Variants in CCDC171 observed in about 807,000 individuals in gnomAD.
CCDC171 encodes the protein coiled-coil domain containing 171, also known as coiled-coil domain-containing protein 171.
Under a neutral mutation model 168.2 loss-of-function variants are expected in CCDC171, and 177 were observed. That is an observed-to-expected ratio of 1.05 (90% CI 0.93 to 1.19). The LOEUF (loss-of-function observed/expected upper bound fraction) is 1.19, where lower values mean the gene tolerates loss of function less well. CCDC171 is among the 50% of genes most tolerant of loss of function. The pLI, the probability that CCDC171 is intolerant of heterozygous loss-of-function variation, is 0.00. For missense variants in CCDC171, 1,991 were observed against 1,539.0 expected, an observed-to-expected ratio of 1.29 and a Z score of -4.91; for synonymous variants, 687 against 540.8, an observed-to-expected ratio of 1.27 and a Z score of -3.75.
intron 24 of CCDC171, among the ~76,000 whole-genome samples, chr9:15,916,779 G>A (rs1423482922): frequency 3.3e-5 from 5 of 151,866 alleles, no homozygotes; most frequent in Admixed American, 6.6e-5. Flanking sequence ...GAATTCCCTC[G>A]TCTTATTACT....
At chr9:15,593,978 T>G in intron 5 of CCDC171, 63 bp from the exon 6 acceptor site, 2 of 1,122,074 alleles carry the variant, frequency 1.8e-6, no homozygotes, top group South Asian at 1.4e-5. Flanking sequence ...ACATTTAAAC[T>G]GGGGATGAAG....
At chr9:15,896,474 T>C (rs1047754920) in intron 24 of CCDC171, among the ~76,000 whole-genome samples, 2 of 152,044 alleles carry the variant, frequency 1.3e-5, no homozygotes, top group Non-Finnish European at 2.9e-5. Context: ...CAGGGCCATT[T>C]CAAATGCCAA....
chr9:15,725,099 T>G (rs541012888), intron 14 of CCDC171, 123 bp downstream of exon 14: 1 of 687,380 alleles, frequency 1.5e-6, no homozygotes, highest in African/African-American at 1.8e-5. Context: ...TATTTTGAAA[T>G]GTTTGTGACA....
chr9:15,686,009 C>T (rs563452770), intron 10 of CCDC171, among the ~76,000 whole-genome samples: 1 of 151,996 alleles, frequency 6.6e-6, no homozygotes, highest in African/African-American at 2.4e-5. Flanking sequence ...TCTTTTCTGC[C>T]TAATTTGACC....
At chr9:15,576,329 T>A (rs2040660813) in intron 3 of CCDC171, among the ~76,000 whole-genome samples, 1 of 151,940 alleles carries the variant, frequency 6.6e-6, no homozygotes, top group Non-Finnish European at 1.5e-5. Flanking sequence ...ACTGTAGGTG[T>A]GTGCCATCAC....
At position 15,724,048 on chromosome 9, in the gene CCDC171, C is replaced by T. The variant is rs923827018; in HGVS notation, c.1491+302C>T. On this transcript the variant is annotated intron_variant, in intron 13 of 25. Coordinates refer to ENST00000380701, the MANE Select transcript of CCDC171 (RefSeq NM_173550.4). ...AAGATGAAATGTCCAGCCTTAGGTA[C>T]GTACTAAACATATTTTACATAAGCA... 3.3e-5 allele frequency among the ~76,000 whole-genome samples: 5 copies of T among 152,170 alleles called. No homozygotes were observed. The East Asian group carries it at 5.8e-4, about 18-fold the overall frequency.
chr9:15,676,971 C>T (rs1352917683), intron 9 of CCDC171, among the ~76,000 whole-genome samples: 1 of 151,982 alleles, frequency 6.6e-6, no homozygotes, highest in African/African-American at 2.4e-5. Context: ...CGTGTGTTTC[C>T]ATACTTGATG....
At chr9:15,557,193 CT>C (rs2038880125) in intron 1 of CCDC171, among the ~76,000 whole-genome samples, 1 of 152,086 alleles carries the variant, frequency 6.6e-6, no homozygotes, top group African/African-American at 2.4e-5. Flanking sequence ...CAGCTTTGTT[CT>C]TTTTGCTTAG....
intron 7 of CCDC171, among the ~76,000 whole-genome samples, chr9:15,626,016 C>T (rs553119959): frequency 6.6e-6 from 1 of 152,128 alleles, no homozygotes. Context: ...TGTAGTTCTC[C>T]TTGAAGAGGT....
chr9:15,944,417 G>C (rs2132336965), intron 25 of CCDC171, among the ~76,000 whole-genome samples: 1 of 152,132 alleles, frequency 6.6e-6, no homozygotes, highest in South Asian at 2.1e-4. Context: ...TAAAAGGAAA[G>C]GATGGGGAGG....
intron 11 of CCDC171, among the ~76,000 whole-genome samples, chr9:15,716,244 CCTGATATATT>C (rs1402637395): frequency 6.6e-6 from 1 of 152,068 alleles, no homozygotes. Context: ...ATAAAGTGTT[CCTGATATATT>C]CTATTCTTCA....
At chr9:16,021,031 G>A (rs1023362630) in intron 4 of CCDC171, among the ~76,000 whole-genome samples, 1 of 152,160 alleles carries the variant, frequency 6.6e-6, no homozygotes, top group East Asian at 1.9e-4. Flanking sequence ...TGCACTAATT[G>A]TTATATGCTT....
intron 25 of CCDC171, among the ~76,000 whole-genome samples, chr9:15,946,616 A>G (rs985495463): frequency 1.2e-4 from 18 of 152,170 alleles, no homozygotes; most frequent in African/African-American, 2.6e-4. Flanking sequence ...TCTACATTCA[A>G]TGCCATCCCC....
intron 6 of CCDC171, among the ~76,000 whole-genome samples, chr9:15,600,523 G>A (rs1022103765): frequency 3.3e-5 from 5 of 152,262 alleles, no homozygotes; most frequent in African/African-American, 7.2e-5. Context: ...GTACCCGGCC[G>A]TGTGAGGTGT....
chr9:15,988,065 A>G (rs1832053914), intron 3 of CCDC171, among the ~76,000 whole-genome samples: 1 of 152,206 alleles, frequency 6.6e-6, no homozygotes, highest in South Asian at 2.1e-4. Context: ...ACTTATTCAC[A>G]CATCAGTACT....
intron 24 of CCDC171, among the ~76,000 whole-genome samples, chr9:15,905,516 C>G (rs925522207): frequency 2.0e-5 from 3 of 151,954 alleles, no homozygotes; most frequent in Non-Finnish European, 4.4e-5. Context: ...GGGACACATT[C>G]AAAGCAGTGT....
chr9:15,902,297 C>A (rs1457509675), intron 24 of CCDC171, among the ~76,000 whole-genome samples: 3 of 149,644 alleles, frequency 2.0e-5, no homozygotes, highest in Non-Finnish European at 4.4e-5. Context: ...CACACACACA[C>A]ATAAAAATTT....
chr9:15,623,475 G>GCACGCGCGCGCACGCGCGCACACACA (rs1554714959), intron 7 of CCDC171, 62 bp downstream of exon 7: 1 of 293,710 alleles, frequency 3.4e-6, no homozygotes, highest in Non-Finnish European at 6.3e-6. Context: ...GCGCGCGCGC[G>GCACGCGCGCGCACGCGCGCACACACA]CACACACACA....
intron 3 of CCDC171, among the ~76,000 whole-genome samples, chr9:15,990,592 A>G (rs1356913749): frequency 6.6e-6 from 1 of 152,236 alleles, no homozygotes; most frequent in Non-Finnish European, 1.5e-5. Context: ...CCATAAATGT[A>G]AATGGGCTAA....
Sources: gnomAD v4.1 joint callset for allele counts (sites outside exome capture counted in the v4.1 genomes callset) on GRCh38, gnomAD v4.1.1 for gene constraint, MANE v1.5 for transcripts, NCBI Gene and HGNC (gene_info 2026-07-23, HGNC 2026-07-21) for gene names.